The following TNFRSF19 variants were observed in gnomAD, a reference collection of about 807,000 sequenced individuals.
TNFRSF19 encodes tumor necrosis factor receptor superfamily member 19.
A neutral mutation model predicts 46.4 loss-of-function variants in TNFRSF19; 27 were observed. That is an observed-to-expected ratio of 0.58 (90% confidence interval 0.43 to 0.80). The LOEUF is 0.80. TNFRSF19 is among the 30% of genes least tolerant of loss of function. The probability of loss-of-function intolerance (pLI) is 0.00; values close to 1 mark genes in which losing one functional copy is unlikely to be tolerated. For missense variants in TNFRSF19, 511 were observed against 530.8 expected, an observed-to-expected ratio of 0.96 and a Z score of 0.37; for synonymous variants, 204 against 205.0, an observed-to-expected ratio of 1.00 and a Z score of 0.04.
chr13:23,657,114 T>C (rs1884031234), intron 5 of TNFRSF19, among the ~76,000 whole-genome samples: 1 of 152,202 alleles, frequency 6.6e-6, no homozygotes, highest in South Asian at 2.1e-4. Context: ...TATGATTGGA[T>C]TATGAGCCTT....
At chr13:23,645,454 G>C (rs1382842089) in intron 5 of TNFRSF19, among the ~76,000 whole-genome samples, 1 of 152,054 alleles carries the variant, frequency 6.6e-6, no homozygotes, top group Non-Finnish European at 1.5e-5. Flanking sequence ...TTACCGCCTT[G>C]GCCTCCCAAA....
At chr13:23,607,039 A>G (rs1006015106) in intron 3 of TNFRSF19, among the ~76,000 whole-genome samples, 1 of 152,248 alleles carries the variant, frequency 6.6e-6, no homozygotes, top group Non-Finnish European at 1.5e-5. Flanking sequence ...CAAGCTTTAC[A>G]AATCAAGGGA....
intron 1 of TNFRSF19, among the ~76,000 whole-genome samples, chr13:23,582,224 C>A (rs12872388): frequency 7.1e-5 from 7 of 98,042 alleles, no homozygotes; most frequent in Non-Finnish European, 8.4e-5. Context: ...ACTACAAATA[C>A]AAAAAAAAAA....
chr13:23,591,728 C>CTTTTTTT (rs1238199379), intron 2 of TNFRSF19, among the ~76,000 whole-genome samples: 1 of 103,656 alleles, frequency 9.6e-6, no homozygotes, highest in Non-Finnish European at 2.1e-5. Context: ...TTCTTTCTTT[C>CTTTTTTT]TTTTTTTTTT....
At chr13:23,597,461 A>G (rs1435240311) in intron 3 of TNFRSF19, among the ~76,000 whole-genome samples, 1 of 152,228 alleles carries the variant, frequency 6.6e-6, no homozygotes, top group Non-Finnish European at 1.5e-5. Context: ...AGAGAATACT[A>G]TAAACACCTC....
chr13:23,641,860 C>T (rs946890792), intron 5 of TNFRSF19, among the ~76,000 whole-genome samples: 7 of 152,198 alleles, frequency 4.6e-5, no homozygotes, highest in African/African-American at 1.7e-4. Context: ...AGTGTTAGTA[C>T]GCCTAATCTA....
At chr13:23,576,709 T>C (rs1232043523) in intron 1 of TNFRSF19, among the ~76,000 whole-genome samples, 1 of 152,240 alleles carries the variant, frequency 6.6e-6, no homozygotes, top group African/African-American at 2.4e-5. Flanking sequence ...GCTGTGTACA[T>C]AGTTGTTATA....
intron 3 of TNFRSF19, 125 bp from the exon 4 acceptor site, chr13:23,615,742 C>G: frequency 1.1e-6 from 1 of 939,182 alleles, no homozygotes; most frequent in Non-Finnish European, 1.5e-6. Flanking sequence ...GAAAGAGCTG[C>G]CTTTGTGTCT....
chr13:23,616,213 C>T (rs542246961), intron 4 of TNFRSF19, among the ~76,000 whole-genome samples, 168 bp downstream of exon 4: 5 of 152,236 alleles, frequency 3.3e-5, no homozygotes, highest in South Asian at 2.1e-4. Flanking sequence ...TCTGTGGTAC[C>T]GTGTGCCATG....
Position 23,572,282 on chromosome 13 carries a change from A to C in TNFRSF19, c.-35+1434A>C, listed in dbSNP as rs138424113. The stretch of plus-strand genomic sequence containing the variant: ...GAGAGGCATTTGCTTTTTTTTTCTA[A>C]GAGTACAACAAATCATGTTCACAAT... On this transcript the variant is annotated intron_variant, in intron 1 of 9. Coordinates refer to ENST00000248484, the MANE Select transcript of TNFRSF19 (RefSeq NM_148957.4). Among the ~76,000 whole-genome samples the C allele has an allele frequency of 2.5e-3, 383 of 152,190 alleles. 2 individuals are homozygous for C. The highest frequency in any genetic ancestry group is 9.1e-3 in the African/African-American group (376 of 41,526).
chr13:23,656,312 A>C (rs1218613352), intron 5 of TNFRSF19, among the ~76,000 whole-genome samples: 2 of 152,196 alleles, frequency 1.3e-5, no homozygotes, highest in East Asian at 3.8e-4. Context: ...ACGTTTAGAG[A>C]ACATAAATCC....
intron 5 of TNFRSF19, among the ~76,000 whole-genome samples, chr13:23,645,828 C>T (rs1421155202): frequency 1.3e-5 from 2 of 152,174 alleles, no homozygotes; most frequent in Admixed American, 6.5e-5. Flanking sequence ...AACGGATCCA[C>T]GTGGATAAAT....
intron 4 of TNFRSF19, among the ~76,000 whole-genome samples, chr13:23,625,923 A>T (rs537688754): frequency 4.1e-4 from 63 of 152,272 alleles, no homozygotes; most frequent in Admixed American, 3.1e-3. Flanking sequence ...TAAATTTTTT[A>T]AAAAAATTTA....
Position 23,645,543 on chromosome 13 carries a change from G to A in TNFRSF19, c.446-13507G>A, listed in dbSNP as rs145981614. 2.4e-3 allele frequency among the ~76,000 whole-genome samples: 360 copies of A among 152,238 alleles called. 1 individual carries two copies. Among genetic ancestry groups the A allele is most frequent in the African/African-American group, 8.5e-3 (352 of 41,560 alleles). On this transcript the variant is annotated intron_variant, in intron 5 of 9. Transcript: ENST00000248484. ...TTTAAGAATCAGAAGAATTCATCCC[G>A]CAAAGCCTTGGTTTATTTATGTGTT... is the stretch of plus-strand genomic sequence containing the variant.
intron 2 of TNFRSF19, 145 bp downstream of exon 2, chr13:23,590,397 C>G: frequency 2.1e-6 from 1 of 467,672 alleles, no homozygotes; most frequent in Admixed American, 4.5e-5. Flanking sequence ...TGCAGTGGTG[C>G]AATCTTGGCT....
chr13:23,604,483 T>C (rs139143128), intron 3 of TNFRSF19, among the ~76,000 whole-genome samples: 81 of 152,312 alleles, frequency 5.3e-4, no homozygotes, highest in Non-Finnish European at 1.0e-3. Flanking sequence ...CAGCAAGTTA[T>C]TTTGTAGATA....
intron 1 of TNFRSF19, among the ~76,000 whole-genome samples, chr13:23,577,833 A>G (rs550686633): frequency 7.6e-4 from 116 of 152,296 alleles, no homozygotes; most frequent in African/African-American, 2.8e-3. Context: ...GGAGCGCAGA[A>G]TCCATTCTTT....
At chr13:23,671,897 C>G (rs1593308247) in intron 9 of TNFRSF19, among the ~76,000 whole-genome samples, 1 of 121,496 alleles carries the variant, frequency 8.2e-6, no homozygotes, top group African/African-American at 3.5e-5. Flanking sequence ...CAGCAGCTCA[C>G]TATTATGAAC....
chr13:23,590,081 T>C, intron 1 of TNFRSF19, 69 bp from the exon 2 acceptor site: 1 of 716,302 alleles, frequency 1.4e-6, no homozygotes, highest in Non-Finnish European at 2.4e-6. Flanking sequence ...GTGGTAGATA[T>C]TATATAGTAA....
Sources: allele counts gnomAD v4.1 joint callset (sites outside exome capture counted in the v4.1 genomes callset), GRCh38; gene constraint gnomAD v4.1.1; transcripts MANE v1.5; gene names NCBI Gene and HGNC (gene_info 2026-07-23, HGNC 2026-07-21).